WWOX: variants seen among roughly 807,000 people sequenced by gnomAD.
WWOX encodes WW domain-containing oxidoreductase.
A neutral mutation model predicts 46.2 loss-of-function variants in WWOX; 69 were observed. That is an observed-to-expected ratio of 1.49 (90% CI 1.23 to 1.82). WWOX has a LOEUF of 1.82. Ranked by LOEUF, WWOX falls within the 40% of genes most tolerant of loss-of-function variation. The pLI, the probability that WWOX is intolerant of heterozygous loss-of-function variation, is 0.00. For missense variants in WWOX, 919 were observed against 542.6 expected (o/e 1.69, Z -6.89); for synonymous variants, 359 against 202.6 (o/e 1.77, Z -6.56).
chr16:78,826,330 G>C (rs1456926507), intron 8 of WWOX, among the ~76,000 whole-genome samples: 1 of 152,196 alleles, frequency 6.6e-6, no homozygotes, highest in African/African-American at 2.4e-5. Context: ...TGGGCAAAAA[G>C]AGTAAAACTC....
chr16:78,491,282 TGGTTACAA>T lies in WWOX; in HGVS notation c.1056+58534_1056+58541del, dbSNP rs549439532. On this transcript the variant is annotated intron_variant, in intron 8 of 8. Transcript: ENST00000566780. ...TGAGTGCTTTTGTATCGTGACTGTC[TGGTTACAA>T]GGTCATCTTTTCCCCTGGATGAGAC... Among the ~76,000 whole-genome samples the T allele has an allele frequency of 4.3e-3, 650 of 152,296 alleles. 1 individual carries two copies. The highest frequency in any genetic ancestry group is 0.014 in the Middle Eastern group (4 of 294).
chr16:79,009,160 C>T (rs1010960009), intron 8 of WWOX, among the ~76,000 whole-genome samples: 4 of 152,220 alleles, frequency 2.6e-5, no homozygotes, highest in Non-Finnish European at 4.4e-5. Context: ...TAAAAAGGCC[C>T]ATTCACTAGG....
At chr16:78,412,215 C>G (rs931295645) in intron 6 of WWOX, among the ~76,000 whole-genome samples, 1 of 152,094 alleles carries the variant, frequency 6.6e-6, no homozygotes, top group South Asian at 2.1e-4. Flanking sequence ...CATTGTTTTC[C>G]TAAGTATTTG....
chr16:78,347,851 A>G lies in WWOX; in HGVS notation c.517-39009A>G, dbSNP rs1253827216. Among the ~76,000 whole-genome samples the G allele has an allele frequency of 5.8e-5, 7 of 121,360 alleles. 1 individual carries two copies. Among genetic ancestry groups the G allele is most frequent in the African/African-American group, 2.0e-4 (7 of 35,840 alleles). The allele number at this position is 121,360 out of a possible 152,430, so 79.6% of individuals were successfully genotyped here. On this transcript the variant is annotated intron_variant, in intron 5 of 8. Transcript: ENST00000566780. ...CTTTTCTGGAAGGAATTCATTTTCC[A>G]CTTTCCTTAATGTTCCTTAAATGTT...
chr16:78,303,627 C>T (rs950839919), intron 5 of WWOX, among the ~76,000 whole-genome samples: 1 of 152,206 alleles, frequency 6.6e-6, no homozygotes, highest in African/African-American at 2.4e-5. Context: ...TCACTGCAAC[C>T]TCCACCTCCC....
In WWOX at chr16:78,749,440, C is replaced by G. The variant is rs189019492; in HGVS notation, c.1056+316688C>G. 1.4e-4 allele frequency among the ~76,000 whole-genome samples: 21 copies of G among 152,204 alleles called. No individual in the cohort carries two copies. In the East Asian group the frequency reaches 4.1e-3, roughly 29 times the overall value. On this transcript the variant is annotated intron_variant, in intron 8 of 8. Coordinates refer to ENST00000566780, the MANE Select transcript of WWOX (RefSeq NM_016373.4). ...TTTAAAAGAGAGAAAGAGAGAGACCCAAAATAGTCAAACTGAGGTTTTGGG... is the reference window on the plus strand; with the variant it reads ...TTTAAAAGAGAGAAAGAGAGAGACCGAAAATAGTCAAACTGAGGTTTTGGG...
chr16:78,943,627 C>T (rs563879144), intron 8 of WWOX, among the ~76,000 whole-genome samples: 69 of 152,252 alleles, frequency 4.5e-4, no homozygotes, highest in Non-Finnish European at 8.8e-4. Flanking sequence ...TGTGTGGCCC[C>T]GTCAATGGCC....
At chr16:78,292,936 A>T (rs920766269) in intron 5 of WWOX, among the ~76,000 whole-genome samples, 1 of 152,236 alleles carries the variant, frequency 6.6e-6, no homozygotes. Flanking sequence ...AGGAAATTTC[A>T]CAGCCTCATG....
At chr16:78,207,148 T>C (rs552409478) in intron 5 of WWOX, among the ~76,000 whole-genome samples, 1 of 152,338 alleles carries the variant, frequency 6.6e-6, no homozygotes, top group South Asian at 2.1e-4. Context: ...AACTATTTAA[T>C]GAGCATTTGC....
chr16:78,318,408 C>T (rs549698586), intron 5 of WWOX, among the ~76,000 whole-genome samples: 2 of 151,836 alleles, frequency 1.3e-5, no homozygotes, highest in South Asian at 2.1e-4. Context: ...CACTGCACTT[C>T]AGCCTGGGCG....
intron 5 of WWOX, among the ~76,000 whole-genome samples, chr16:78,298,011 A>G (rs181061969): frequency 1.3e-5 from 2 of 152,118 alleles, no homozygotes; most frequent in Admixed American, 6.5e-5. Context: ...TTCTCATGAG[A>G]TCTGATGGTT....
intron 5 of WWOX, among the ~76,000 whole-genome samples, chr16:78,261,784 C>CTATATATATA (rs1555510653): frequency 5.9e-5 from 3 of 50,894 alleles, no homozygotes; most frequent in African/African-American, 1.2e-4. Flanking sequence ...ATCTATCTAT[C>CTATATATATA]TATCTATATA....
At chr16:78,809,312 GA>G (rs371661365) in intron 8 of WWOX, among the ~76,000 whole-genome samples, 9,993 of 73,736 alleles carry the variant, frequency 0.14, 812 homozygotes, top group African/African-American at 0.33. Context: ...TAGAGATCTT[GA>G]AAAAAAAAAA....
chr16:79,048,959 G>A (rs2048116192), intron 8 of WWOX, among the ~76,000 whole-genome samples: 1 of 152,150 alleles, frequency 6.6e-6, no homozygotes. Context: ...GGTGTCCACT[G>A]GAGTCATGAT....
At chr16:78,628,971 C>A (rs569684088) in intron 8 of WWOX, among the ~76,000 whole-genome samples, 3 of 152,190 alleles carry the variant, frequency 2.0e-5, no homozygotes, top group Non-Finnish European at 4.4e-5. Context: ...TGCAGAATTA[C>A]TTTCCATTCT....
At chr16:78,358,754 A>C (rs1173755544) in intron 5 of WWOX, among the ~76,000 whole-genome samples, 1 of 152,084 alleles carries the variant, frequency 6.6e-6, no homozygotes, top group East Asian at 1.9e-4. Flanking sequence ...ATATATACAA[A>C]TGAGGGAAAA....
intron 8 of WWOX, among the ~76,000 whole-genome samples, chr16:78,859,000 T>TAAAA (rs2052638771): frequency 5.0e-5 from 4 of 79,872 alleles, no homozygotes; most frequent in East Asian, 5.1e-4. Flanking sequence ...GTTTTGAAAT[T>TAAAA]TAAAAAAAAA....
chr16:78,257,941 A>C (rs376861302), intron 5 of WWOX, among the ~76,000 whole-genome samples: 1 of 151,794 alleles, frequency 6.6e-6, no homozygotes, highest in Non-Finnish European at 1.5e-5. Context: ...CTCCTAAAAA[A>C]ATCAGAGACT....
At position 78,350,882 on chromosome 16, in the gene WWOX, C is replaced by G. The variant is rs2081171323; in HGVS notation, c.517-35978C>G. Among the ~76,000 whole-genome samples, 2 of 120,532 alleles carry G rather than the reference C, an allele frequency of 1.7e-5. 1 individual carries two copies. Among genetic ancestry groups the G allele is most frequent in the South Asian group, 4.9e-4 (2 of 4,054 alleles). 79.1% of individuals were successfully genotyped at this position (120,532 alleles called of 152,430 possible). On this transcript the variant is annotated intron_variant, in intron 5 of 8. Transcript: ENST00000566780. ...TTTTGAGGAGCCACCAGATTGTTCT[C>G]CACAGCAGCCACACCCATCTACATT...
Sources: gnomAD v4.1 joint callset for allele counts (sites outside exome capture counted in the v4.1 genomes callset) on GRCh38, gnomAD v4.1.1 for gene constraint, MANE v1.5 for transcripts, NCBI Gene and HGNC (gene_info 2026-07-23, HGNC 2026-07-21) for gene names.